GRIK4: variants seen among roughly 807,000 people sequenced by gnomAD.
The protein encoded by GRIK4 is glutamate ionotropic receptor kainate type subunit 4, also known as glutamate receptor ionotropic, kainate 4.
Under a neutral mutation model 104.9 loss-of-function variants are expected in GRIK4, and 40 were observed. That is an observed-to-expected ratio of 0.38 (90% CI 0.30 to 0.50). The LOEUF is 0.50. Ranked by LOEUF, GRIK4 falls within the 20% of genes least tolerant of loss-of-function variation. The pLI is 0.93. For synonymous variants in GRIK4, 485 were observed against 524.9 expected (o/e 0.92, Z 1.04); for missense variants, 1,047 against 1,308.1 (o/e 0.80, Z 3.08).
chr11:120,655,231 G>A (rs1949688320), intron 2 of GRIK4, among the ~76,000 whole-genome samples: 1 of 151,860 alleles, frequency 6.6e-6, no homozygotes, highest in Non-Finnish European at 1.5e-5. Flanking sequence ...CAGAAGCCTC[G>A]AGGGGAGCTG....
intron 1 of GRIK4, among the ~76,000 whole-genome samples, chr11:120,584,612 C>A (rs185403676): frequency 4.6e-5 from 7 of 152,312 alleles, no homozygotes; most frequent in African/African-American, 1.7e-4. Context: ...AAGGGATCCA[C>A]CCTCATGATC....
chr11:120,550,482 T>C (rs1186266496), intron 1 of GRIK4, among the ~76,000 whole-genome samples: 1 of 151,888 alleles, frequency 6.6e-6, no homozygotes, highest in Non-Finnish European at 1.5e-5. Flanking sequence ...GGAGATGTAA[T>C]CTGGGAGTCA....
At chr11:120,769,654 G>A (rs1211283780) in intron 3 of GRIK4, among the ~76,000 whole-genome samples, 1 of 152,146 alleles carries the variant, frequency 6.6e-6, no homozygotes, top group Admixed American at 6.5e-5. Flanking sequence ...ATCATAGTTT[G>A]CTGACCTCTG....
chr11:120,823,747 A>T (rs143747355), intron 6 of GRIK4, among the ~76,000 whole-genome samples: 1 of 152,332 alleles, frequency 6.6e-6, no homozygotes, highest in Non-Finnish European at 1.5e-5. Flanking sequence ...AGGACAGCTA[A>T]GCACAGACAA....
At chr11:120,595,799 G>A (rs1187196772) in intron 1 of GRIK4, among the ~76,000 whole-genome samples, 2 of 152,138 alleles carry the variant, frequency 1.3e-5, no homozygotes, top group Non-Finnish European at 2.9e-5. Context: ...CTCTCAGCAG[G>A]CAGAGCACCT....
chr11:120,905,203 A>T lies in GRIK4; in HGVS notation c.1273-87A>T. Reference sequence around the variant, plus strand: ...CTCCTTCTGCCCCATGTCCTCCCCGACCCTCTGTGCCCCTGGCCCTCCCCA... The same window carrying T: ...CTCCTTCTGCCCCATGTCCTCCCCGTCCCTCTGTGCCCCTGGCCCTCCCCA... On this transcript the variant is annotated intron_variant, in intron 12 of 20. Coordinates refer to ENST00000527524, the MANE Select transcript of GRIK4 (RefSeq NM_014619.5). The surrounding 1 kb of genome is among the most constrained non-coding windows in gnomAD (Gnocchi z 5.1). The T allele has an allele frequency of 1.1e-6, 1 of 951,724 alleles. No homozygotes were observed. The highest frequency in any genetic ancestry group is 1.3e-5 in the South Asian group (1 of 76,468). The allele number at this position is 951,724 out of a possible 1,614,324, so 59.0% of individuals were successfully genotyped here. A position where few individuals can be genotyped will look rare whatever the true frequency, so the allele number is the denominator to read the frequency against.
chr11:120,874,023 A>C (rs1592018414), intron 9 of GRIK4, 43 bp from the exon 10 acceptor site: 5 of 1,552,334 alleles, frequency 3.2e-6, no homozygotes, highest in East Asian at 4.6e-5. Context: ...CTTCCTCTAC[A>C]CCTCTCACTC....
At chr11:120,912,441 G>A (rs145001714) in intron 13 of GRIK4, among the ~76,000 whole-genome samples, 1 of 152,296 alleles carries the variant, frequency 6.6e-6, no homozygotes, top group East Asian at 1.9e-4. Context: ...CAAGAGGGAG[G>A]AAGACGGGAG....
chr11:120,833,475 G>C (rs4935753), intron 7 of GRIK4, among the ~76,000 whole-genome samples: 49,496 of 151,816 alleles, frequency 0.33, 8,907 homozygotes, highest in East Asian at 0.48. Context: ...GAGAGCTTCA[G>C]CTTAGTAGAT....
chr11:120,985,568 A>T (rs2134814500), intron 20 of GRIK4, among the ~76,000 whole-genome samples: 1 of 151,446 alleles, frequency 6.6e-6, no homozygotes, highest in East Asian at 2.0e-4. Flanking sequence ...AATGAATGAA[A>T]ATTTCAGGGA....
rs557669938 is a variant in GRIK4 at position 120,695,082 on chromosome 11, A to G, written c.82+34682A>G. ...CCTTTCAAAGCCCTGTGCTACTTAC[A>G]ATCCACACTCTCAAAGAGGGGGAGC... On this transcript the variant is annotated intron_variant, in intron 3 of 20. Coordinates refer to ENST00000527524, the MANE Select transcript of GRIK4 (RefSeq NM_014619.5). Among the ~76,000 whole-genome samples, 173 of 152,198 alleles carry G rather than the reference A, an allele frequency of 1.1e-3. 1 individual carries two copies. Among genetic ancestry groups the G allele is most frequent in the African/African-American group, 4.0e-3 (165 of 41,516 alleles).
At chr11:120,703,146 A>G (rs1389846658) in intron 3 of GRIK4, among the ~76,000 whole-genome samples, 1 of 152,184 alleles carries the variant, frequency 6.6e-6, no homozygotes, top group Non-Finnish European at 1.5e-5. Context: ...GAGCACTTGA[A>G]ATGTGACTTT....
At chr11:120,745,672 C>T (rs1198036546) in intron 3 of GRIK4, among the ~76,000 whole-genome samples, 4 of 152,164 alleles carry the variant, frequency 2.6e-5, no homozygotes, top group South Asian at 4.1e-4. Context: ...GATTCAACAA[C>T]GTTTGTCCTC....
intron 13 of GRIK4, among the ~76,000 whole-genome samples, chr11:120,932,143 C>T (rs1159282764): frequency 2.7e-5 from 4 of 147,402 alleles, no homozygotes; most frequent in African/African-American, 7.7e-5. Context: ...ACACAGCACA[C>T]GTGCAATTTT....
At chr11:120,727,467 C>T (rs113045576) in intron 3 of GRIK4, among the ~76,000 whole-genome samples, 265 of 152,068 alleles carry the variant, frequency 1.7e-3, no homozygotes, top group African/African-American at 6.2e-3. Flanking sequence ...TGAAAGAAAC[C>T]TCATTCTAAA....
chr11:120,844,702 A>T (rs1332734694), intron 8 of GRIK4, among the ~76,000 whole-genome samples: 1 of 152,194 alleles, frequency 6.6e-6, no homozygotes, highest in African/African-American at 2.4e-5. Context: ...TGCTTAGCCT[A>T]CATGACAACT....
chr11:120,573,599 G>A (rs1436685517), intron 1 of GRIK4, among the ~76,000 whole-genome samples: 4 of 152,220 alleles, frequency 2.6e-5, no homozygotes. Context: ...CAGAGTTGGA[G>A]CACTTGGGAC....
At chr11:120,802,938 A>T in intron 4 of GRIK4, 81 bp downstream of exon 4, 1 of 1,214,256 alleles carries the variant, frequency 8.2e-7, no homozygotes. Context: ...CCTATCAGTC[A>T]CCAGGCCTCT....
chr11:120,915,723 C>T (rs1198853911), intron 13 of GRIK4, among the ~76,000 whole-genome samples: 1 of 152,128 alleles, frequency 6.6e-6, no homozygotes, highest in Admixed American at 6.5e-5. Context: ...AGCCGAGCCA[C>T]CAGGAGGGAA....
Sources: allele counts gnomAD v4.1 joint callset (sites outside exome capture counted in the v4.1 genomes callset), GRCh38; gene constraint gnomAD v4.1.1; non-coding constraint Gnocchi (gnomAD v3.1); transcripts MANE v1.5; gene names NCBI Gene and HGNC (gene_info 2026-07-23, HGNC 2026-07-21).